Variants in CALN1 observed in about 807,000 individuals in gnomAD.
CALN1 encodes the protein calcium-binding protein 8.
In CALN1, 17 loss-of-function variants were observed where a neutral mutation model predicts 30.6. The observed-to-expected ratio is 0.56, with a 90% confidence interval of 0.38 to 0.83. CALN1 has a LOEUF of 0.83. CALN1 is among the 40% of genes least tolerant of loss of function. The pLI is 0.00. For synonymous variants in CALN1, 156 were observed against 131.4 expected, an observed-to-expected ratio of 1.19 and a Z score of -1.28; for missense variants, 291 against 354.9, an observed-to-expected ratio of 0.82 and a Z score of 1.45.
At chr7:71,896,987 C>T (rs1228845738) in intron 5 of CALN1, among the ~76,000 whole-genome samples, 1 of 152,074 alleles carries the variant, frequency 6.6e-6, no homozygotes, top group Non-Finnish European at 1.5e-5. Flanking sequence ...TTTCAATGAG[C>T]CAGGAAATAA....
chr7:72,402,446 G>A lies in CALN1; in HGVS notation c.119+805C>T, dbSNP rs117478010. On this transcript the variant is annotated intron_variant, in intron 2 of 6. Transcript: ENST00000395275. ...TCGCCACTGGAAGCTGGTGGCTAAAGCTGGAGATCCCATTCTGAACAGCCT... is the reference window on the plus strand; with the variant it reads ...TCGCCACTGGAAGCTGGTGGCTAAAACTGGAGATCCCATTCTGAACAGCCT... 7.3e-3 allele frequency among the ~76,000 whole-genome samples: 1,107 copies of A among 152,240 alleles called. 7 individuals carry two copies. Among genetic ancestry groups the A allele is most frequent in the Non-Finnish European group, 0.012 (789 of 68,018 alleles).
At chr7:71,976,555 T>A (rs999335706) in intron 5 of CALN1, among the ~76,000 whole-genome samples, 2 of 152,230 alleles carry the variant, frequency 1.3e-5, no homozygotes, top group African/African-American at 2.4e-5. Context: ...GGCTGAGATG[T>A]TCCCAGAGAT....
intron 2 of CALN1, among the ~76,000 whole-genome samples, chr7:72,321,834 G>A (rs1388604262): frequency 2.0e-5 from 3 of 152,086 alleles, no homozygotes; most frequent in Admixed American, 6.5e-5. Flanking sequence ...TTCCTGCCAC[G>A]TCTGTCCTCC....
At chr7:71,790,369 AAAGAAAGAAAGAAAG>A (rs1164484806) in intron 6 of CALN1, among the ~76,000 whole-genome samples, 8 of 20,570 alleles carry the variant, frequency 3.9e-4, no homozygotes, top group Middle Eastern at 0.023. Context: ...GAAAGAAAGA[AAAGAAAGAAAGAAAG>A]AAAGAAAGAA....
chr7:72,201,756 A>G lies in CALN1; in HGVS notation c.244+76930T>C, dbSNP rs950150349. Among the ~76,000 whole-genome samples the G allele has an allele frequency of 3.1e-4, 44 of 143,358 alleles. No individual in the cohort carries two copies. In the East Asian group the frequency reaches 7.0e-3, roughly 23 times the overall value. The allele number at this position is 143,358 out of a possible 152,430, so 94.0% of individuals were successfully genotyped here. On this transcript the variant is annotated intron_variant, in intron 3 of 6. Transcript: ENST00000395275. ...TCTGATTAAAAAAAAAAAAAAAAAA[A>G]GCAGTAACTGTAGTAAGCAAAAGCC...
intron 3 of CALN1, among the ~76,000 whole-genome samples, chr7:72,259,405 G>T (rs764325505): frequency 9.9e-5 from 15 of 152,034 alleles, no homozygotes; most frequent in Non-Finnish European, 2.1e-4. Context: ...CAGACTCCCT[G>T]TCCCTGGTCT....
At chr7:72,458,205 TATATTTTATA>T in the CALN1 span, among the ~76,000 whole-genome samples, 3 of 116,600 alleles carry the variant, frequency 2.6e-5, no homozygotes, top group African/African-American at 9.8e-5. Flanking sequence ...TAATATATAA[TATATTTTATA>T]ATATATTATA....
intron 4 of CALN1, among the ~76,000 whole-genome samples, chr7:72,026,638 TCTC>T (rs1407206167): frequency 2.6e-5 from 4 of 151,870 alleles, no homozygotes; most frequent in Non-Finnish European, 5.9e-5. Flanking sequence ...CTGGTCTTGA[TCTC>T]CTGGGCTCAA....
chr7:72,394,713 G>C (rs749268874), intron 2 of CALN1, among the ~76,000 whole-genome samples: 4 of 147,722 alleles, frequency 2.7e-5, no homozygotes, highest in Non-Finnish European at 5.9e-5. Context: ...CCAGGCTGAA[G>C]TGCAGTGGCG....
intron 5 of CALN1, among the ~76,000 whole-genome samples, chr7:71,989,564 T>G (rs887759175): frequency 6.6e-6 from 1 of 151,640 alleles, no homozygotes; most frequent in Admixed American, 6.6e-5. Context: ...CCAAGTACAC[T>G]CTCTGAGCCA....
At chr7:72,116,609 A>G (rs1808001953) in intron 3 of CALN1, among the ~76,000 whole-genome samples, 1 of 152,134 alleles carries the variant, frequency 6.6e-6, no homozygotes, top group Non-Finnish European at 1.5e-5. Flanking sequence ...CACAGCTAGC[A>G]CTAGCGGCCA....
chr7:72,489,409 TA>T, the CALN1 span, among the ~76,000 whole-genome samples: 10 of 152,296 alleles, frequency 6.6e-5, no homozygotes, highest in East Asian at 1.7e-3. Context: ...TACACTTTCT[TA>T]GTACGATTTT....
chr7:72,323,321 T>C (rs970843623), intron 2 of CALN1, among the ~76,000 whole-genome samples: 3 of 152,102 alleles, frequency 2.0e-5, no homozygotes, highest in Non-Finnish European at 4.4e-5. Flanking sequence ...GCCCTTCGTG[T>C]GAAGCTACGG....
the CALN1 span, among the ~76,000 whole-genome samples, chr7:72,474,536 A>T: frequency 1.9e-4 from 29 of 152,190 alleles, no homozygotes; most frequent in East Asian, 5.0e-3. Flanking sequence ...AAATACAAAA[A>T]TTAACCAGGT....
chr7:71,858,997 T>C (rs1053712596), intron 5 of CALN1, among the ~76,000 whole-genome samples: 13 of 152,180 alleles, frequency 8.5e-5, no homozygotes, highest in African/African-American at 3.1e-4. Context: ...ACTGAACAAG[T>C]TCAGAGTAGA....
chr7:71,948,777 C>T (rs1403320804), intron 5 of CALN1, among the ~76,000 whole-genome samples: 1 of 150,180 alleles, frequency 6.7e-6, no homozygotes. Flanking sequence ...TGCAGTGGCT[C>T]ATGCATGCAA....
At chr7:72,247,151 G>A (rs149621127) in intron 3 of CALN1, among the ~76,000 whole-genome samples, 134 of 150,274 alleles carry the variant, frequency 8.9e-4, no homozygotes, top group African/African-American at 2.9e-3. Flanking sequence ...AGATAGTTAC[G>A]GAGAAAGCTA....
At chr7:72,108,853 G>A (rs1308598817) in intron 3 of CALN1, among the ~76,000 whole-genome samples, 3 of 152,196 alleles carry the variant, frequency 2.0e-5, no homozygotes, top group East Asian at 1.9e-4. Context: ...GACTTTGGGA[G>A]TAAGTTTGCA....
In CALN1 at chr7:72,099,458, C is replaced by CT. The variant is rs796540118; in HGVS notation, c.388+6692dup. 2.7e-3 allele frequency among the ~76,000 whole-genome samples: 382 copies of CT among 143,006 alleles called. 1 individual carries two copies. Among genetic ancestry groups the CT allele is most frequent in the Middle Eastern group, 3.7e-3 (1 of 270 alleles). 93.8% of individuals were successfully genotyped at this position (143,006 alleles called of 152,430 possible). On this transcript the variant is annotated intron_variant, in intron 4 of 6. Transcript: ENST00000395275. ...GAGGAAGGAAGGATATAATTAGAATCTTTTTTTTTTTTTTCTTAACAGAAC... is the reference window on the plus strand; with the variant it reads ...GAGGAAGGAAGGATATAATTAGAATCTTTTTTTTTTTTTTTCTTAACAGAAC...
Sources: allele counts gnomAD v4.1 joint callset (sites outside exome capture counted in the v4.1 genomes callset), GRCh38; gene constraint gnomAD v4.1.1; transcripts MANE v1.5; gene names NCBI Gene and HGNC (gene_info 2026-07-23, HGNC 2026-07-21).